CDH13: variants seen among roughly 807,000 people sequenced by gnomAD.
CDH13 encodes cadherin-13.
Under a neutral mutation model 63.8 loss-of-function variants are expected in CDH13, and 24 were observed. That is an observed-to-expected ratio of 0.38 (90% CI 0.27 to 0.53). CDH13 has a LOEUF of 0.53. CDH13 is among the 20% of genes least tolerant of loss of function. CDH13 has a pLI of 0.85. For missense variants in CDH13, 1,049 were observed against 903.1 expected, an observed-to-expected ratio of 1.16 and a Z score of -2.07; for synonymous variants, 503 against 355.3, an observed-to-expected ratio of 1.42 and a Z score of -4.67.
intron 4 of CDH13, among the ~76,000 whole-genome samples, chr16:83,176,451 A>C (rs1306083042): frequency 1.3e-5 from 2 of 149,062 alleles, no homozygotes; most frequent in Non-Finnish European, 3.0e-5. Flanking sequence ...CGGGGGTTGC[A>C]ATGAGCCCAG....
intron 2 of CDH13, 66 bp downstream of exon 2, chr16:82,858,539 CTG>C (rs750605120): frequency 3.0e-6 from 3 of 995,886 alleles, no homozygotes; most frequent in Non-Finnish European, 3.2e-6. Flanking sequence ...ATGTTTATGA[CTG>C]TGTCTCAGGA....
At chr16:83,675,601 A>C (rs532570855) in intron 9 of CDH13, among the ~76,000 whole-genome samples, 2 of 152,152 alleles carry the variant, frequency 1.3e-5, no homozygotes, top group Non-Finnish European at 2.9e-5. Flanking sequence ...GCCTAGCTCC[A>C]TGGGAAATAT....
intron 1 of CDH13, among the ~76,000 whole-genome samples, chr16:82,776,999 G>A (rs1157759272): frequency 1.3e-5 from 2 of 152,170 alleles, no homozygotes; most frequent in African/African-American, 2.4e-5. Context: ...GGAGTGCAGT[G>A]ACGTGATGCA....
intron 2 of CDH13, among the ~76,000 whole-genome samples, chr16:82,864,988 G>C (rs534265987): frequency 6.6e-6 from 1 of 152,154 alleles, no homozygotes; most frequent in African/African-American, 2.4e-5. Context: ...CAGGCCCCAC[G>C]CAAGTCCAAA....
chr16:83,192,007 T>C (rs763847765), intron 4 of CDH13, among the ~76,000 whole-genome samples: 4 of 152,126 alleles, frequency 2.6e-5, no homozygotes, highest in Admixed American at 6.5e-5. Flanking sequence ...AGAATTGATA[T>C]GACGGTTAAA....
chr16:82,787,658 C>T (rs1486955971), intron 1 of CDH13, among the ~76,000 whole-genome samples: 1 of 152,286 alleles, frequency 6.6e-6, no homozygotes, highest in East Asian at 1.9e-4. Flanking sequence ...ACCTAGGTTG[C>T]CCAGAGAGGT....
chr16:82,807,869 T>C (rs1488030682), intron 1 of CDH13, among the ~76,000 whole-genome samples: 1 of 152,210 alleles, frequency 6.6e-6, no homozygotes, highest in Non-Finnish European at 1.5e-5. Flanking sequence ...TCTTCCATAC[T>C]TAAGACACAA....
chr16:83,308,498 G>C (rs1264104942), intron 5 of CDH13, among the ~76,000 whole-genome samples: 1 of 152,144 alleles, frequency 6.6e-6, no homozygotes, highest in South Asian at 2.1e-4. Flanking sequence ...TCCACACAAA[G>C]GGAGTAGGAA....
chr16:83,105,049 T>G (rs938840823), intron 3 of CDH13, among the ~76,000 whole-genome samples: 1 of 152,188 alleles, frequency 6.6e-6, no homozygotes, highest in Non-Finnish European at 1.5e-5. Flanking sequence ...GCACAGGATG[T>G]GCAGGTTTGT....
intron 2 of CDH13, among the ~76,000 whole-genome samples, chr16:82,910,524 G>T (rs1412894900): frequency 1.3e-5 from 2 of 152,012 alleles, no homozygotes; most frequent in Non-Finnish European, 2.9e-5. Flanking sequence ...TGAACTCCCT[G>T]GAGTCAACCG....
chr16:83,576,357 C>A (rs1255967852), intron 7 of CDH13, among the ~76,000 whole-genome samples: 2 of 152,164 alleles, frequency 1.3e-5, no homozygotes, highest in Non-Finnish European at 2.9e-5. Flanking sequence ...CTTTTTATGG[C>A]TGAATAATAT....
At chr16:83,254,056 C>G (rs970367617) in intron 5 of CDH13, among the ~76,000 whole-genome samples, 1 of 152,174 alleles carries the variant, frequency 6.6e-6, no homozygotes, top group East Asian at 1.9e-4. Context: ...GAGAGAAGGA[C>G]AAGACGCCGC....
rs186663755 is a variant in CDH13, at chr16:83,576,818, T to C, written c.961-25636T>C. The stretch of plus-strand genomic sequence containing the variant: ...CATTTGTATATCTTCTTTGGAGAAA[T>C]GTTGATTCAAGTATTTTGCCTACAT... On this transcript the variant is annotated intron_variant, in intron 7 of 13. Coordinates refer to ENST00000567109, the MANE Select transcript of CDH13 (RefSeq NM_001257.5). Among the ~76,000 whole-genome samples the C allele has an allele frequency of 3.9e-5, 6 of 152,354 alleles. 1 individual carries two copies. In the South Asian group the frequency reaches 1.0e-3, roughly 26 times the overall value.
chr16:83,379,488 G>C (rs1567629283), intron 6 of CDH13, among the ~76,000 whole-genome samples: 1 of 152,294 alleles, frequency 6.6e-6, no homozygotes, highest in Admixed American at 6.5e-5. Flanking sequence ...CAACCATACA[G>C]TGTTTTGGTG....
At chr16:83,251,449 G>A (rs1271979609) in intron 5 of CDH13, among the ~76,000 whole-genome samples, 1 of 152,202 alleles carries the variant, frequency 6.6e-6, no homozygotes, top group Non-Finnish European at 1.5e-5. Flanking sequence ...TACCCAGCTG[G>A]TAAGTGGTGA....
intron 8 of CDH13, among the ~76,000 whole-genome samples, chr16:83,606,290 A>G (rs912636490): frequency 6.6e-6 from 1 of 152,218 alleles, no homozygotes; most frequent in Non-Finnish European, 1.5e-5. Flanking sequence ...AGGTTTTTAA[A>G]TTCTATCTTA....
intron 4 of CDH13, among the ~76,000 whole-genome samples, chr16:83,146,607 A>T (rs1181373451): frequency 1.3e-5 from 2 of 152,260 alleles, no homozygotes; most frequent in Non-Finnish European, 2.9e-5. Context: ...TTGAGCAGTT[A>T]TATGTGTATG....
At chr16:83,493,371 C>G (rs146497243) in intron 7 of CDH13, among the ~76,000 whole-genome samples, 1 of 152,328 alleles carries the variant, frequency 6.6e-6, no homozygotes, top group East Asian at 1.9e-4. Flanking sequence ...GCAATAAAAG[C>G]TAGTAAATAA....
Position 83,023,533 on chromosome 16 carries a change from C to G in CDH13, c.158-8477C>G, listed in dbSNP as rs533634980. Among the ~76,000 whole-genome samples the G allele has an allele frequency of 2.7e-4, 41 of 152,294 alleles. 1 individual carries two copies. Among genetic ancestry groups the G allele is most frequent in the African/African-American group, 9.6e-4 (40 of 41,558 alleles). On this transcript the variant is annotated intron_variant, in intron 2 of 13. Transcript: ENST00000567109. The stretch of plus-strand genomic sequence containing the variant: ...GATAGAGGTTTTGAGTATTTGTTCA[C>G]AAGTTTAATTGTTTAGTCACATCTT...
Sources: allele counts gnomAD v4.1 joint callset (sites outside exome capture counted in the v4.1 genomes callset), GRCh38; gene constraint gnomAD v4.1.1; transcripts MANE v1.5; gene names NCBI Gene and HGNC (gene_info 2026-07-23, HGNC 2026-07-21).